Variants in SLC22A15 observed in about 807,000 individuals in gnomAD.
SLC22A15 encodes solute carrier family 22 member 15, also known as flipt 1.
A neutral mutation model predicts 62.7 loss-of-function variants in SLC22A15; 45 were observed. The observed-to-expected ratio is 0.72, with a 90% CI of 0.56 to 0.92. SLC22A15 has a LOEUF of 0.92. Ranked by LOEUF, SLC22A15 falls within the 40% of genes least tolerant of loss-of-function variation. The pLI is 0.00. For synonymous variants in SLC22A15, 264 were observed against 267.0 expected (o/e 0.99, Z 0.11); for missense variants, 622 against 665.6 (o/e 0.93, Z 0.72).
intron 2 of SLC22A15, among the ~76,000 whole-genome samples, chr1:116,009,930 T>TA (rs563249994): frequency 1.8e-3 from 271 of 152,370 alleles, no homozygotes; most frequent in African/African-American, 5.9e-3. Flanking sequence ...GATACTGTGT[T>TA]AAAAACACAC....
rs200436499 is a variant in SLC22A15 at position 116,019,689 on chromosome 1, C to A, written c.408C>A (p.Phe136Leu). 6.2e-7 allele frequency: 1 copy of A among 1,612,280 alleles called. No homozygotes were observed. The highest frequency in any genetic ancestry group is 1.3e-5 in the African/African-American group (1 of 74,698). The change falls in exon 3 of 12, where the codon TTC (phenylalanine) becomes TTA (leucine). Residue 136 changes from phenylalanine to leucine, a missense_variant. Physicochemically the swap from Phe to Leu is conservative, Grantham distance 22. Transcript: ENST00000369503. ...VISFGQLSDR[F>L]GRKKVYLTGF... The stretch of plus-strand genomic sequence containing the variant: ...CTTTTGGTCAGCTTTCAGATCGCTT[C>A]GGAAGGAAAAAAGTCTATCTCACAG...
chr1:116,048,850 G>A (rs947589426), intron 8 of SLC22A15, among the ~76,000 whole-genome samples: 5 of 152,146 alleles, frequency 3.3e-5, no homozygotes, highest in African/African-American at 1.2e-4. Context: ...TGCTGCCTTA[G>A]GAGACTCACC....
intron 10 of SLC22A15, 80 bp downstream of exon 10, chr1:116,064,588 T>C: frequency 2.2e-6 from 2 of 912,692 alleles, no homozygotes; most frequent in Non-Finnish European, 3.6e-6. Context: ...AAAGAGGTGA[T>C]GAACAGATGT....
chr1:116,052,843 G>A (rs1010617021), intron 8 of SLC22A15, among the ~76,000 whole-genome samples: 4 of 152,052 alleles, frequency 2.6e-5, no homozygotes, highest in Non-Finnish European at 5.9e-5. Context: ...TGCAGCTGAG[G>A]GTCCTGTCTG....
At chr1:116,058,399 T>A (rs1488562947) in intron 8 of SLC22A15, among the ~76,000 whole-genome samples, 2 of 152,048 alleles carry the variant, frequency 1.3e-5, no homozygotes, top group Non-Finnish European at 2.9e-5. Flanking sequence ...GAAATGCAAA[T>A]GAAAGCCACA....
intron 8 of SLC22A15, among the ~76,000 whole-genome samples, chr1:116,053,018 A>G (rs544428465): frequency 6.6e-6 from 1 of 152,354 alleles, no homozygotes; most frequent in South Asian, 2.1e-4. Context: ...CTCCAAAGGA[A>G]CGCAGTTCCT....
chr1:116,006,220 G>A (rs1334483100), intron 2 of SLC22A15, among the ~76,000 whole-genome samples: 2 of 152,116 alleles, frequency 1.3e-5, no homozygotes, highest in Non-Finnish European at 2.9e-5. Flanking sequence ...CCTGCCTTAT[G>A]TTAGAGAAGG....
At position 116,060,403 on chromosome 1, in the gene SLC22A15, A is replaced by G. The variant is rs998091115; in HGVS notation, c.1172-2359A>G. ...TCCCAAATGGGCTACAGCTGGAGCTATCCTGACCCTATCATGGAAAACTTC... is the reference window on the plus strand; with the variant it reads ...TCCCAAATGGGCTACAGCTGGAGCTGTCCTGACCCTATCATGGAAAACTTC... On this transcript the variant is annotated intron_variant, in intron 8 of 11. Transcript: ENST00000369503. Among the ~76,000 whole-genome samples, 9 of 152,304 alleles carry G rather than the reference A, an allele frequency of 5.9e-5. No individual in the cohort carries two copies. The South Asian group carries it at 1.9e-3, about 32-fold the overall frequency.
Position 116,015,919 on chromosome 1 carries a change from C to A in SLC22A15, c.301-3663C>A, listed in dbSNP as rs139907289. Among the ~76,000 whole-genome samples the A allele has an allele frequency of 5.4e-3, 823 of 152,192 alleles. 12 individuals carry two copies. The highest frequency in any genetic ancestry group is 0.036 in the Admixed American group (545 of 15,286). On this transcript the variant is annotated intron_variant, in intron 2 of 11. Coordinates refer to ENST00000369503, the MANE Select transcript of SLC22A15 (RefSeq NM_018420.3). The stretch of plus-strand genomic sequence containing the variant: ...TATCTCATATTGATTTATTTTTAGA[C>A]CTGGTAAAATGTTACCGTAAGCATT...
intron 10 of SLC22A15, among the ~76,000 whole-genome samples, 171 bp from the exon 11 acceptor site, chr1:116,066,347 TGA>T (rs1246625927): frequency 6.6e-6 from 1 of 152,246 alleles, no homozygotes; most frequent in Non-Finnish European, 1.5e-5. Flanking sequence ...AATCATTCTC[TGA>T]TTTCCCAGGA....
At chr1:115,981,628 A>G (rs57592227) in intron 1 of SLC22A15, among the ~76,000 whole-genome samples, 3,644 of 152,194 alleles carry the variant, frequency 0.024, 150 homozygotes, top group African/African-American at 0.084. Flanking sequence ...TATTAGACAG[A>G]TTTTCCTCCA....
intron 8 of SLC22A15, among the ~76,000 whole-genome samples, chr1:116,056,452 A>C (rs1182734793): frequency 6.6e-6 from 1 of 151,096 alleles, no homozygotes; most frequent in Non-Finnish European, 1.5e-5. Context: ...GGTAGGAAGA[A>C]TCAATATCAT....
Position 116,035,342 on chromosome 1 carries a change from A to T in SLC22A15, c.1085+15A>T. ...AACCAAAAATGGTGAGTAAGTGTGG[A>T]TGAATATGAAGTGCACCGTAGAGAA... On this transcript the variant is annotated intron_variant, in intron 7 of 11. Coordinates refer to ENST00000369503, the MANE Select transcript of SLC22A15 (RefSeq NM_018420.3). The T allele has an allele frequency of 1.2e-6, 2 of 1,609,434 alleles. No individual in the cohort carries two copies. Among genetic ancestry groups the T allele is most frequent in the Non-Finnish European group, 1.7e-6 (2 of 1,177,400 alleles).
At chr1:115,993,432 T>A (rs534394919) in intron 2 of SLC22A15, among the ~76,000 whole-genome samples, 122 of 146,588 alleles carry the variant, frequency 8.3e-4, no homozygotes, top group African/African-American at 2.8e-3. Context: ...TGTGAGAGTG[T>A]GTGTGTGTGT....
At position 116,062,785 on chromosome 1, in the gene SLC22A15, A is replaced by C. The variant is rs1034534337; in HGVS notation, c.1195A>C (p.Asn399His). Reference sequence around the variant, plus strand: ...AGACACAGGTGTGTTTGCAGTGGTGAACAGCCATTCCTTGTCCTTGCTGGG... The same window carrying C: ...AGACACAGGTGTGTTTGCAGTGGTGCACAGCCATTCCTTGTCCTTGCTGGG... ...KKDTGVFAVV[N>H]SHSLSLLGKL... The change falls in exon 9 of 12, where the codon AAC becomes CAC. Residue 399 changes from asparagine (N) to histidine (H), a missense_variant. Transcript: ENST00000369503. The C allele has an allele frequency of 6.2e-7, 1 of 1,613,916 alleles. No homozygotes were observed. The highest frequency in any genetic ancestry group is 8.5e-7 in the Non-Finnish European group (1 of 1,179,818).
chr1:116,060,952 A>T (rs1437134733), intron 8 of SLC22A15, among the ~76,000 whole-genome samples: 1 of 152,132 alleles, frequency 6.6e-6, no homozygotes, highest in East Asian at 1.9e-4. Flanking sequence ...TTTAAAGAAG[A>T]TTTATTTTAT....
intron 2 of SLC22A15, among the ~76,000 whole-genome samples, chr1:115,995,775 T>G (rs1655393717): frequency 6.6e-6 from 1 of 152,222 alleles, no homozygotes; most frequent in Non-Finnish European, 1.5e-5. Context: ...AAATTTTTCC[T>G]AATTTACCAG....
At chr1:116,052,241 T>C (rs112783678) in intron 8 of SLC22A15, among the ~76,000 whole-genome samples, 7,534 of 152,204 alleles carry the variant, frequency 0.049, 254 homozygotes, top group African/African-American at 0.089. Context: ...AACCAGGAGA[T>C]TATATCCCGC....
chr1:116,019,607 A>G lies in SLC22A15; in HGVS notation c.326A>G (p.Tyr109Cys). 6.2e-7 allele frequency: 1 copy of G among 1,610,468 alleles called. No individual in the cohort carries two copies. The highest frequency in any genetic ancestry group is 8.5e-7 in the Non-Finnish European group (1 of 1,179,012). ...SEWFLIANRSYKVSAASSFFF... is the reference protein window; with the variant it reads ...SEWFLIANRSCKVSAASSFFF... ...TGGTTTTTAATTGCCAACAGATCCT[A>G]CAAAGTCAGTGCAGCAAGCTCTTTT... The change falls in exon 3 of 12, where the codon TAC becomes TGC. Residue 109 changes from tyrosine (Y) to cysteine (C), a missense_variant. Physicochemically the swap from Tyr to Cys is radical, Grantham distance 194. Coordinates refer to ENST00000369503, the MANE Select transcript of SLC22A15 (RefSeq NM_018420.3).
Sources: gnomAD v4.1 joint callset for allele counts (sites outside exome capture counted in the v4.1 genomes callset) on GRCh38, gnomAD v4.1.1 for gene constraint, MANE v1.5 for transcripts, NCBI Gene and HGNC (gene_info 2026-07-23, HGNC 2026-07-21) for gene names.